SPTB: variants seen among roughly 807,000 people sequenced by gnomAD.
SPTB encodes the protein spectrin beta, erythrocytic.
A neutral mutation model predicts 256.2 loss-of-function variants in SPTB; 45 were observed. The observed-to-expected ratio is 0.18, with a 90% confidence interval of 0.14 to 0.23. The LOEUF (loss-of-function observed/expected upper bound fraction) is 0.23. Among genes scored for constraint, SPTB ranks in the 10% least tolerant of loss-of-function variants. The pLI is 1.00. For synonymous variants in SPTB, 1,231 were observed against 1,243.1 expected (o/e 0.99, Z 0.21); for missense variants, 2,715 against 3,040.4 (o/e 0.89, Z 2.52).
rs760716096 is a variant in SPTB, at chr14:64,773,376, C to G, written c.5022G>C (p.Gly1674=). ...LQGQVDKHYA[G]LKDVAEERKR... is the part of the protein sequence containing the mutation. ...TGCGCTCTTCCGCCACGTCCTTCAG[C>G]CCTGCGTAGTGCTTGTCCACTTGCC... Residue 1674 remains glycine, a synonymous_variant, in exon 25 of 36, where the codon GGG becomes GGC. Coordinates refer to ENST00000644917, the MANE Select transcript of SPTB (RefSeq NM_001355436.2). The G allele has an allele frequency of 5.5e-5, 89 of 1,614,116 alleles. No homozygotes were observed. The highest frequency in any genetic ancestry group is 7.1e-5 in the Non-Finnish European group (84 of 1,180,058).
chr14:64,813,256 G>A (rs1053609764), intron 2 of SPTB, among the ~76,000 whole-genome samples: 2 of 152,112 alleles, frequency 1.3e-5, no homozygotes, highest in African/African-American at 4.8e-5. Flanking sequence ...ACTAATAGAT[G>A]AAAAGTCAAA....
At chr14:64,789,328 G>A (rs924277420) in intron 15 of SPTB, among the ~76,000 whole-genome samples, 3 of 152,038 alleles carry the variant, frequency 2.0e-5, no homozygotes, top group Non-Finnish European at 4.4e-5. Flanking sequence ...CTCCAGCCTG[G>A]GTAATGGAGT....
chr14:64,830,850 C>T (rs1018016524), intron 1 of SPTB, among the ~76,000 whole-genome samples: 1 of 152,148 alleles, frequency 6.6e-6, no homozygotes, highest in African/African-American at 2.4e-5. Context: ...TTCACATGGC[C>T]CCTGTCCCCA....
In SPTB at chr14:64,768,951, C is replaced by A; in HGVS notation, c.6022+83G>T. On this transcript the variant is annotated intron_variant, in intron 29 of 35. Transcript: ENST00000644917. ...CTCCTCTCTAGGCAGTAGTGAAAAT[C>A]CACCCATTGTGGCACCTCCCCATTC... is the stretch of plus-strand genomic sequence containing the variant. 3.5e-6 allele frequency: 4 copies of A among 1,128,754 alleles called. No individual in the cohort carries two copies. In the Admixed American group the frequency reaches 5.1e-5, roughly 14 times the overall value. 69.9% of individuals were successfully genotyped at this position (1,128,754 alleles called of 1,614,324 possible).
rs551139307 is a variant in SPTB, at chr14:64,790,240, G to T, written c.2804+1479C>A. On this transcript the variant is annotated intron_variant, in intron 15 of 35. Transcript: ENST00000644917. The surrounding 1 kb of genome is among the most constrained non-coding windows in gnomAD (Gnocchi z 4.8). ...CGGGTTTTTTTCTCACTTAAGGATG[G>T]CAGGTACCTTGATATTTTTCTCTTG... is the stretch of plus-strand genomic sequence containing the variant. Among the ~76,000 whole-genome samples, 2 of 152,122 alleles carry T rather than the reference G, an allele frequency of 1.3e-5. No individual in the cohort carries two copies. The highest frequency in any genetic ancestry group is 4.2e-4 in the South Asian group (2 of 4,806).
At chr14:64,797,031 G>T (rs888797181) in intron 10 of SPTB, among the ~76,000 whole-genome samples, 2 of 152,086 alleles carry the variant, frequency 1.3e-5, no homozygotes, top group Non-Finnish European at 2.9e-5. Flanking sequence ...GGCTACCTCC[G>T]TTCAATATGA....
In SPTB at chr14:64,772,423, G is replaced by A. The variant is rs1175681176; in HGVS notation, c.5553+157C>T. 5.3e-5 allele frequency among the ~76,000 whole-genome samples: 8 copies of A among 152,332 alleles called. No individual in the cohort carries two copies. The East Asian group carries it at 1.5e-3, about 29-fold the overall frequency. ...TGACTTCTGAAGCTAAGGAACATCT[G>A]AAAGCCACTGCTCCCAGCCCTGAGC... On this transcript the variant is annotated intron_variant, in intron 26 of 35. Transcript: ENST00000644917. The surrounding 1 kb of genome is among the most constrained non-coding windows in gnomAD (Gnocchi z 5.4).
At position 64,749,393 on chromosome 14, in the gene SPTB, C is replaced by T; in HGVS notation, c.6900G>A (p.Leu2300=). The T allele has an allele frequency of 6.2e-7, 1 of 1,609,566 alleles. No individual in the cohort carries two copies. The highest frequency in any genetic ancestry group is 8.5e-7 in the Non-Finnish European group (1 of 1,179,782). ...CGGGGCCGGAGAGGGAAGGCAGGGG[C>T]AGGCTCTGCGCCTTGACGCGGATGC... ...SQSIRVKAQS[L]PLPSLSGPDA... The change falls in exon 36 of 36, where the codon CTG becomes CTA. Residue 2300 remains leucine, a synonymous_variant. Transcript: ENST00000644917. This position sits in a 1 kb window ranked among gnomAD's most constrained non-coding sequence, Gnocchi z 4.7.
At chr14:64,750,863 T>G (rs1440535875) in intron 33 of SPTB, among the ~76,000 whole-genome samples, 1 of 146,666 alleles carries the variant, frequency 6.8e-6, no homozygotes, top group Non-Finnish European at 1.5e-5. Flanking sequence ...ATATAACATA[T>G]ATACCTATTA....
rs552362663 is a variant in SPTB, at chr14:64,816,567, C to T, written c.148+6380G>A. Among the ~76,000 whole-genome samples the T allele has an allele frequency of 4.6e-5, 7 of 152,308 alleles. No individual in the cohort carries two copies. The highest frequency in any genetic ancestry group is 4.1e-4 in the South Asian group (2 of 4,824). ...CAAATTTGTCATAATTTGCTATGCA[C>T]GTGTGTCTATGCACATAGACACGTG... On this transcript the variant is annotated intron_variant, in intron 2 of 35. Coordinates refer to ENST00000644917, the MANE Select transcript of SPTB (RefSeq NM_001355436.2). This position sits in a 1 kb window ranked among gnomAD's most constrained non-coding sequence, Gnocchi z 4.2.
intron 32 of SPTB, among the ~76,000 whole-genome samples, chr14:64,765,709 T>C (rs75223913): frequency 0.05 from 7,610 of 152,200 alleles, 284 homozygotes; most frequent in African/African-American, 0.1. Flanking sequence ...GGGCTCTGCA[T>C]AGGGGGAAAG....
At chr14:64,872,058 T>C (rs1475990042) in intron 1 of SPTB, among the ~76,000 whole-genome samples, 1 of 152,054 alleles carries the variant, frequency 6.6e-6, no homozygotes, top group African/African-American at 2.4e-5. Context: ...TCATGAATCA[T>C]CCCAAAATAA....
chr14:64,833,594 C>T (rs1191631504), intron 1 of SPTB, among the ~76,000 whole-genome samples: 1 of 152,006 alleles, frequency 6.6e-6, no homozygotes, highest in Non-Finnish European at 1.5e-5. Context: ...CTACCACCAT[C>T]CCCTGCAGTA....
rs2082063430 is a variant in SPTB, at chr14:64,759,508, C to G, written c.6346-5715G>C. Among the ~76,000 whole-genome samples the G allele has an allele frequency of 6.6e-6, 1 of 152,204 alleles. No individual in the cohort carries two copies. The highest frequency in any genetic ancestry group is 1.5e-5 in the Non-Finnish European group (1 of 68,034). ...AAGAGGGGATGAGGGGAGGCTGCCC[C>G]CCTGTAAGCAGGCCATGGTCTGAGG... On this transcript the variant is annotated intron_variant, in intron 32 of 35. Transcript: ENST00000644917. The surrounding 1 kb of genome is among the most constrained non-coding windows in gnomAD (Gnocchi z 4.8).
chr14:64,821,843 A>G (rs1196564538), intron 2 of SPTB, among the ~76,000 whole-genome samples: 2 of 152,134 alleles, frequency 1.3e-5, no homozygotes, highest in Non-Finnish European at 2.9e-5. Flanking sequence ...AGAAGCCCAG[A>G]CACTCCCAAG....
intron 1 of SPTB, among the ~76,000 whole-genome samples, chr14:64,840,947 G>A (rs1257295182): frequency 6.6e-6 from 1 of 152,184 alleles, no homozygotes; most frequent in African/African-American, 2.4e-5. Flanking sequence ...TTAGCCTCAA[G>A]GAGCTTATAG....
chr14:64,773,301 G>T lies in SPTB; in HGVS notation c.5097C>A (p.Thr1699=), dbSNP rs535528314. 1 of 1,614,172 alleles carries T rather than the reference G, an allele frequency of 6.2e-7. No individual in the cohort carries two copies. The highest frequency in any genetic ancestry group is 1.1e-5 in the South Asian group (1 of 91,080). ...CTGAAATCCACTGCTCCAGGTCGTCGGTCTCCCGCTTGAGCTGGAACAGGT... is the reference window on the plus strand; with the variant it reads ...CTGAAATCCACTGCTCCAGGTCGTCTGTCTCCCGCTTGAGCTGGAACAGGT... ...MYHLFQLKRE[T]DDLEQWISEK... is the part of the protein sequence containing the mutation. The change falls in exon 25 of 36, where the codon ACC becomes ACA. Residue 1699 remains threonine (T), a synonymous_variant. Coordinates refer to ENST00000644917, the MANE Select transcript of SPTB (RefSeq NM_001355436.2).
intron 6 of SPTB, 148 bp from the exon 7 acceptor site, chr14:64,801,548 G>A: frequency 3.7e-6 from 3 of 804,860 alleles, no homozygotes; most frequent in Non-Finnish European, 6.4e-6. Flanking sequence ...AGGAGAGGGG[G>A]CAGGTGTGAG....
At chr14:64,854,051 G>C (rs2083828522) in intron 1 of SPTB, among the ~76,000 whole-genome samples, 1 of 151,738 alleles carries the variant, frequency 6.6e-6, no homozygotes, top group Non-Finnish European at 1.5e-5. Flanking sequence ...AATTAGCTGG[G>C]CATGGTGGCA....
Sources: gnomAD v4.1 joint callset for allele counts (sites outside exome capture counted in the v4.1 genomes callset) on GRCh38, gnomAD v4.1.1 for gene constraint, Gnocchi (gnomAD v3.1) non-coding constraint, MANE v1.5 for transcripts, NCBI Gene and HGNC (gene_info 2026-07-23, HGNC 2026-07-21) for gene names.